The following IKZF1 variants were observed in gnomAD, a reference collection of about 807,000 sequenced individuals.
IKZF1 encodes IKAROS family zinc finger 1.
In IKZF1, 10 loss-of-function variants were observed where a neutral mutation model predicts 51.7. The ratio of observed to expected loss-of-function variants is 0.19; its 90% CI spans 0.12 to 0.33. IKZF1 has a LOEUF of 0.33. Ranked by LOEUF, IKZF1 falls within the 10% of genes least tolerant of loss-of-function variation. IKZF1 has a pLI of 1.00. For missense variants in IKZF1, 484 were observed against 707.5 expected, an observed-to-expected ratio of 0.68 and a Z score of 3.58; for synonymous variants, 280 against 282.3, an observed-to-expected ratio of 0.99 and a Z score of 0.08.
intron 6 of IKZF1, among the ~76,000 whole-genome samples, chr7:50,391,374 T>G (rs768886252): frequency 4.6e-5 from 7 of 152,230 alleles, no homozygotes; most frequent in Non-Finnish European, 7.3e-5. Flanking sequence ...AGGGACTGAC[T>G]GAGGTAGCAG....
chr7:50,359,932 C>T (rs1012709493), intron 3 of IKZF1, among the ~76,000 whole-genome samples: 3 of 152,244 alleles, frequency 2.0e-5, no homozygotes, highest in Non-Finnish European at 4.4e-5. Context: ...GTCAGGTCAC[C>T]AGAGGCTGGC....
chr7:50,336,683 T>C (rs1797868087), intron 3 of IKZF1, among the ~76,000 whole-genome samples: 1 of 152,190 alleles, frequency 6.6e-6, no homozygotes, highest in African/African-American at 2.4e-5. Context: ...GGCGGTTCCA[T>C]CCGTTGGCTG....
At chr7:50,308,987 C>G (rs541627057) in intron 1 of IKZF1, 33 of 152,666 alleles carry the variant, frequency 2.2e-4, no homozygotes, top group African/African-American at 7.9e-4. Context: ...GCTGGTGTTT[C>G]CACAGTGGGT....
chr7:50,314,247 A>T (rs1020744388), intron 1 of IKZF1, among the ~76,000 whole-genome samples: 1 of 152,152 alleles, frequency 6.6e-6, no homozygotes, highest in African/African-American at 2.4e-5. Flanking sequence ...AGTAGCAGAG[A>T]CTACAGGCGC....
Position 50,391,783 on chromosome 7 carries a change from G to A in IKZF1, c.770G>A (p.Gly257Glu). Residue 257 changes from glycine to glutamate, a missense_variant, in exon 7 of 8, where the codon GGA (glycine) becomes GAA (glutamate). Physicochemically the swap from Gly to Glu is moderately conservative, Grantham distance 98. This residue lies in a region of IKZF1 where 172 missense variants were observed against 192.7 expected (regional missense o/e 0.89). Coordinates refer to ENST00000331340, the MANE Select transcript of IKZF1 (RefSeq NM_006060.6). ...SEMAEDLCKIGSERSLVLDRL... is the reference protein window; with the variant it reads ...SEMAEDLCKIESERSLVLDRL... ...ATGGCAGAAGACCTGTGCAAGATAG[G>A]ATCAGAGAGATCTCTCGTGCTGGAC... 2 of 1,613,972 alleles carry A rather than the reference G, an allele frequency of 1.2e-6. No homozygotes were observed. The highest frequency in any genetic ancestry group is 2.2e-5 in the East Asian group (1 of 44,882).
In IKZF1 at chr7:50,327,651, C is replaced by A. The variant is rs780897370; in HGVS notation, c.54C>A (p.Pro18=). 9.3e-6 allele frequency: 15 copies of A among 1,612,510 alleles called. No individual in the cohort carries two copies. In the Admixed American group the frequency reaches 1.3e-4, roughly 14 times the overall value. The change falls in exon 3 of 8, where the codon CCC becomes CCA. Residue 18 remains proline (P), a synonymous_variant. Coordinates refer to ENST00000331340, the MANE Select transcript of IKZF1 (RefSeq NM_006060.6). Reference sequence around the variant, plus strand: ...CTTTCTCATCAGGGAAGGAAAGCCCCCCTGTAAGCGATACTCCAGATGAGG... The same window carrying A: ...CTTTCTCATCAGGGAAGGAAAGCCCACCTGTAAGCGATACTCCAGATGAGG... ...DMSQVSGKES[P]PVSDTPDEGD...
At position 50,382,598 on chromosome 7, in the gene IKZF1, G is replaced by C. The variant is rs1462102408; in HGVS notation, c.480G>C (p.Leu160=). ...CCTCATTCACCCAGAAGGGCAACCTGCTCCGGCACATCAAGCTGCATTCCG... is the reference window on the plus strand; with the variant it reads ...CCTCATTCACCCAGAAGGGCAACCTCCTCCGGCACATCAAGCTGCATTCCG... The part of the protein sequence containing the change: ...CGASFTQKGN[L]LRHIKLHSGE... The change falls in exon 5 of 8, where the codon CTG becomes CTC. Residue 160 remains leucine, a synonymous_variant. Coordinates refer to ENST00000331340, the MANE Select transcript of IKZF1 (RefSeq NM_006060.6). 1.9e-6 allele frequency: 3 copies of C among 1,613,820 alleles called. No homozygotes were observed. The highest frequency in any genetic ancestry group is 1.6e-4 in the Middle Eastern group (1 of 6,062).
At chr7:50,331,900 A>T (rs1432390735) in intron 3 of IKZF1, among the ~76,000 whole-genome samples, 2 of 152,148 alleles carry the variant, frequency 1.3e-5, no homozygotes, top group East Asian at 3.9e-4. Context: ...TAAAGGAGAG[A>T]TGTGGTCTTT....
chr7:50,399,749 G>A (rs906119792), intron 7 of IKZF1, 169 bp from the exon 8 acceptor site: 12 of 1,072,128 alleles, frequency 1.1e-5, no homozygotes, highest in African/African-American at 1.6e-5. Context: ...CAGGTGTGAT[G>A]TGTCCGCAGG....
At chr7:50,312,028 G>A (rs201252464) in intron 1 of IKZF1, among the ~76,000 whole-genome samples, 1 of 152,156 alleles carries the variant, frequency 6.6e-6, no homozygotes, top group African/African-American at 2.4e-5. Context: ...TCTGTGTTTT[G>A]TAAAGCTGTA....
At chr7:50,309,757 A>G (rs1477975615) in intron 1 of IKZF1, among the ~76,000 whole-genome samples, 1 of 152,226 alleles carries the variant, frequency 6.6e-6, no homozygotes, top group Non-Finnish European at 1.5e-5. Context: ...CCAGATTTTC[A>G]CTGGCAAACC....
At chr7:50,350,692 G>C (rs952251420) in intron 3 of IKZF1, among the ~76,000 whole-genome samples, 10 of 152,236 alleles carry the variant, frequency 6.6e-5, no homozygotes, top group African/African-American at 2.2e-4. Context: ...ATATTATGCT[G>C]TTAGATTTCC....
At chr7:50,358,045 A>G (rs189097886) in intron 3 of IKZF1, among the ~76,000 whole-genome samples, 2 of 152,320 alleles carry the variant, frequency 1.3e-5, no homozygotes, top group African/African-American at 4.8e-5. Context: ...CTGGAGTCAC[A>G]TGGCAACAGC....
At position 50,400,778 on chromosome 7, in the gene IKZF1, T is replaced by A. The variant is rs1817980443; in HGVS notation, c.*151T>A. On this transcript the variant is annotated 3_prime_UTR_variant, in exon 8 of 8. Transcript: ENST00000331340. The surrounding 1 kb of genome is among the most constrained non-coding windows in gnomAD (Gnocchi z 5.4). ...ACTGTTTTTTGTTTTTTGTTTGAGT[T>A]GGTTGATTGGGGTTTGATTTGCTTT... The A allele has an allele frequency of 9.9e-7, 1 of 1,010,316 alleles. No homozygotes were observed. The allele number at this position is 1,010,316 out of a possible 1,614,324, so 62.6% of individuals were successfully genotyped here. A position where few individuals can be genotyped will look rare whatever the true frequency, so the allele number is the denominator to read the frequency against.
intron 2 of IKZF1, among the ~76,000 whole-genome samples, chr7:50,320,893 A>G (rs1156908842): frequency 6.6e-6 from 1 of 152,242 alleles, no homozygotes; most frequent in Non-Finnish European, 1.5e-5. Context: ...TGTTATCAGT[A>G]TTTTAAAACT....
At chr7:50,368,609 G>C in intron 3 of IKZF1, 1 of 443,190 alleles carries the variant, frequency 2.3e-6, no homozygotes, top group East Asian at 3.5e-5. Context: ...GGTGCCCGCA[G>C]GACCTTCTCT....
chr7:50,403,541 T>C lies in IKZF1; in HGVS notation c.*2914T>C, dbSNP rs1818491769. On this transcript the variant is annotated 3_prime_UTR_variant, in exon 8 of 8. Transcript: ENST00000331340. ...CCTGACACCCCAGCTTCCCAGGATGTGGAAAGCCTGGATCTCAGCTCCTTG... is the reference window on the plus strand; with the variant it reads ...CCTGACACCCCAGCTTCCCAGGATGCGGAAAGCCTGGATCTCAGCTCCTTG... 4.4e-6 allele frequency: 1 copy of C among 229,458 alleles called. No homozygotes were observed. The highest frequency in any genetic ancestry group is 5.7e-5 in the Admixed American group (1 of 17,644). 14.2% of individuals were successfully genotyped at this position (229,458 alleles called of 1,614,324 possible).
chr7:50,313,789 G>A (rs538368702), intron 1 of IKZF1, among the ~76,000 whole-genome samples: 1 of 152,348 alleles, frequency 6.6e-6, no homozygotes, highest in Admixed American at 6.5e-5. Context: ...AGTAGGTGTT[G>A]AATTCTAGCT....
intron 3 of IKZF1, among the ~76,000 whole-genome samples, chr7:50,337,565 C>G (rs1201963141): frequency 2.0e-5 from 3 of 152,182 alleles, no homozygotes; most frequent in African/African-American, 7.2e-5. Context: ...TGATTTGCTC[C>G]CTGCGTGATC....
Sources: allele counts gnomAD v4.1 joint callset (sites outside exome capture counted in the v4.1 genomes callset), GRCh38; gene constraint gnomAD v4.1.1; regional missense constraint gnomAD v4.1.1; non-coding constraint Gnocchi (gnomAD v3.1); transcripts MANE v1.5; gene names NCBI Gene and HGNC (gene_info 2026-07-23, HGNC 2026-07-21).